Variants in CIT observed in about 807,000 individuals in gnomAD.
CIT encodes the protein citron rho-interacting serine/threonine kinase, also known as citron Rho-interacting kinase.
In CIT, 79 loss-of-function variants were observed where a neutral mutation model predicts 272.7. The ratio of observed to expected loss-of-function variants is 0.29; its 90% CI spans 0.24 to 0.35. CIT has a LOEUF of 0.35. Among genes scored for constraint, CIT ranks in the 10% least tolerant of loss-of-function variants. The pLI, the probability that CIT is intolerant of heterozygous loss-of-function variation, is 1.00. For synonymous variants in CIT, 948 were observed against 995.6 expected (o/e 0.95, Z 0.90); for missense variants, 1,909 against 2,618.3 (o/e 0.73, Z 5.91).
chr12:119,719,006 G>C (rs73215362), intron 30 of CIT, 145 bp from the exon 31 acceptor site: 163 of 789,180 alleles, frequency 2.1e-4, no homozygotes, highest in African/African-American at 1.0e-3. Context: ...GCATGTGAAG[G>C]GGGGGAAGGG....
intron 40 of CIT, among the ~76,000 whole-genome samples, 155 bp from the exon 41 acceptor site, chr12:119,704,610 T>C (rs1956776366): frequency 6.6e-6 from 1 of 152,176 alleles, no homozygotes. Flanking sequence ...TCGCAGGATA[T>C]GAGCAGTATC....
chr12:119,732,199 A>C (rs1397438293), intron 26 of CIT, among the ~76,000 whole-genome samples: 1 of 152,148 alleles, frequency 6.6e-6, no homozygotes, highest in East Asian at 1.9e-4. Flanking sequence ...ATCCCATATA[A>C]TACCAAAACA....
intron 3 of CIT, 30 bp downstream of exon 3, chr12:119,869,030 A>G (rs1950592315): frequency 1.9e-6 from 3 of 1,608,150 alleles, no homozygotes; most frequent in Non-Finnish European, 2.5e-6. Flanking sequence ...CTCTCAGGAC[A>G]GTTTTCAAGA....
chr12:119,808,684 T>C lies in CIT; in HGVS notation c.1112-5295A>G, dbSNP rs180987488. On this transcript the variant is annotated intron_variant, in intron 9 of 47. Transcript: ENST00000392521. ...TGATATAATGAATCAGGACTGTGCC[T>C]AGAATACAGTGGGCATGCGCTAATA... 4.6e-5 allele frequency among the ~76,000 whole-genome samples: 7 copies of C among 152,352 alleles called. No homozygotes were observed. The East Asian group carries it at 9.6e-4, about 21-fold the overall frequency.
In CIT at chr12:119,758,714, C is replaced by T. The variant is rs1961351506; in HGVS notation, c.2422-14G>A. ...AGCATTGATCATCTGAAACACAGGG[C>T]ACCTATGAAACTTCACACACCAGAA... On this transcript the variant is annotated splice_polypyrimidine_tract_variant and intron_variant, in intron 20 of 47. Transcript: ENST00000392521. 6.4e-7 allele frequency: 1 copy of T among 1,551,226 alleles called. No homozygotes were observed. The highest frequency in any genetic ancestry group is 8.9e-7 in the Non-Finnish European group (1 of 1,122,688).
chr12:119,776,984 G>A (rs1963813171), intron 13 of CIT, 142 bp from the exon 14 acceptor site: 4 of 889,274 alleles, frequency 4.5e-6, no homozygotes, highest in Non-Finnish European at 6.9e-6. Flanking sequence ...GCCAGGTGCA[G>A]TGGCTCACGC....
At chr12:119,720,401 A>G (rs2137135821) in intron 30 of CIT, 77 bp downstream of exon 30, 1 of 936,676 alleles carries the variant, frequency 1.1e-6, no homozygotes, top group East Asian at 2.5e-5. Flanking sequence ...CTATGATCAT[A>G]TATCACAGTG....
chr12:119,789,702 T>TTTTTG (rs1364732526), intron 10 of CIT, among the ~76,000 whole-genome samples: 23 of 152,082 alleles, frequency 1.5e-4, no homozygotes, highest in Non-Finnish European at 2.2e-4. Flanking sequence ...CTTTTTTTGT[T>TTTTTG]TTTTGTTTTG....
Position 119,784,232 on chromosome 12 carries a change from A to G in CIT, c.1402-181T>C. 1.3e-6 allele frequency: 2 copies of G among 1,596,896 alleles called. No homozygotes were observed. Among genetic ancestry groups the G allele is most frequent in the South Asian group, 1.1e-5 (1 of 90,108 alleles). On this transcript the variant is annotated intron_variant, in intron 11 of 47. Transcript: ENST00000392521. The surrounding 1 kb of genome is among the most constrained non-coding windows in gnomAD (Gnocchi z 4.7). ...GAGCGCACAGTTCTTCGTTAAGGAC[A>G]GTCACCAAATGCTAAGTCACTCCTC...
intron 26 of CIT, among the ~76,000 whole-genome samples, chr12:119,733,489 G>C (rs1241353107): frequency 6.6e-6 from 1 of 150,736 alleles, no homozygotes; most frequent in African/African-American, 2.4e-5. Flanking sequence ...AACTGCGATG[G>C]TGCCACTGCA....
intron 4 of CIT, among the ~76,000 whole-genome samples, chr12:119,852,250 A>G (rs1970267352): frequency 6.6e-6 from 1 of 152,196 alleles, no homozygotes; most frequent in Non-Finnish European, 1.5e-5. Context: ...AAACATAAGC[A>G]ACATCAGACA....
intron 9 of CIT, among the ~76,000 whole-genome samples, chr12:119,812,919 T>C (rs1281340915): frequency 5.3e-5 from 8 of 152,304 alleles, no homozygotes; most frequent in Admixed American, 5.2e-4. Flanking sequence ...AGAATTACTA[T>C]GTCTTGAAAG....
intron 9 of CIT, among the ~76,000 whole-genome samples, chr12:119,811,046 C>G (rs571046991): frequency 2.6e-5 from 4 of 152,068 alleles, no homozygotes; most frequent in Non-Finnish European, 2.9e-5. Flanking sequence ...AGTTCAAGAC[C>G]GGGCCTGGTG....
Position 119,688,255 on chromosome 12 carries a change from C to A in CIT, c.6187G>T (p.Val2063Phe). The A allele has an allele frequency of 6.3e-7, 1 of 1,598,208 alleles. No individual in the cohort carries two copies. The highest frequency in any genetic ancestry group is 1.5e-5 in the African/African-American group (1 of 66,556). The change falls in exon 48 of 48, where the codon GTC becomes TTC. Residue 2063 changes from valine (V) to phenylalanine (F), a missense_variant and splice_region_variant. Val to Phe is a conservative substitution (Grantham distance 50). Around this residue, in one of 8 missense-constraint regions of CIT, gnomAD observed 780 missense variants for 1,067.2 expected, o/e 0.73. Transcript: ENST00000392521. Reference sequence around the variant, plus strand: ...ATTTATACTGAAGACTGGTCCCAGACCTAGGAGTGAAATAAGGAGGAGTGT... The same window carrying A: ...ATTTATACTGAAGACTGGTCCCAGAACTAGGAGTGAAATAAGGAGGAGTGT... ...VRTPLSQVNK[V>F]WDQSSV
chr12:119,872,624 C>T (rs1469772731), intron 2 of CIT, among the ~76,000 whole-genome samples: 1 of 152,150 alleles, frequency 6.6e-6, no homozygotes, highest in East Asian at 1.9e-4. Context: ...ACAAGATATA[C>T]TTAATAAATT....
chr12:119,844,268 C>T (rs944746780), intron 5 of CIT, among the ~76,000 whole-genome samples: 16 of 151,966 alleles, frequency 1.1e-4, no homozygotes, highest in African/African-American at 3.4e-4. Flanking sequence ...GTTATCCGCT[C>T]GCCTCGGCCT....
intron 3 of CIT, among the ~76,000 whole-genome samples, 197 bp from the exon 4 acceptor site, chr12:119,857,895 C>A (rs1368235188): frequency 1.3e-5 from 2 of 152,148 alleles, no homozygotes; most frequent in East Asian, 3.8e-4. Flanking sequence ...ATTAAGGGCT[C>A]TAGAAATTCC....
intron 10 of CIT, among the ~76,000 whole-genome samples, chr12:119,798,549 T>A (rs1200174475): frequency 6.6e-6 from 1 of 152,176 alleles, no homozygotes; most frequent in African/African-American, 2.4e-5. Flanking sequence ...CCTGTAAGGA[T>A]GGGCTGTTGT....
intron 40 of CIT, among the ~76,000 whole-genome samples, chr12:119,706,789 T>C (rs538069951): frequency 2.6e-5 from 4 of 152,356 alleles, no homozygotes; most frequent in African/African-American, 9.6e-5. Flanking sequence ...TTATATTCCT[T>C]TGGGTATATA....
Sources: gnomAD v4.1 joint callset for allele counts (sites outside exome capture counted in the v4.1 genomes callset) on GRCh38, gnomAD v4.1.1 for gene constraint, gnomAD v4.1.1 regional missense constraint, Gnocchi (gnomAD v3.1) non-coding constraint, MANE v1.5 for transcripts, NCBI Gene and HGNC (gene_info 2026-07-23, HGNC 2026-07-21) for gene names.